Variants in ARL5C observed in about 807,000 individuals in gnomAD.
ARL5C encodes ARF like GTPase 5C.
Under a neutral mutation model 20.8 loss-of-function variants are expected in ARL5C, and 21 were observed. The observed-to-expected ratio is 1.01, with a 90% CI of 0.72 to 1.46. The LOEUF (loss-of-function observed/expected upper bound fraction) is 1.46, where lower values mean the gene tolerates loss of function less well. Ranked by LOEUF, ARL5C falls within the 40% of genes most tolerant of loss-of-function variation. The pLI is 0.00. For synonymous variants in ARL5C, 71 were observed against 81.6 expected (o/e 0.87, Z 0.70); for missense variants, 199 against 225.1 (o/e 0.88, Z 0.74).
chr17:39,159,382 C>T (rs573497666), intron 5 of ARL5C, among the ~76,000 whole-genome samples: 10 of 151,164 alleles, frequency 6.6e-5, no homozygotes, highest in East Asian at 1.9e-4. Context: ...CCGCAACCTC[C>T]GCCTCCTGGG....
chr17:39,165,458 C>T (rs569332602), intron 1 of ARL5C: 1 of 592,654 alleles, frequency 1.7e-6, no homozygotes, highest in East Asian at 2.8e-5. Flanking sequence ...CGCAGCAGCC[C>T]CCCATCCCCG....
chr17:39,163,622 C>A (rs1475107112), intron 2 of ARL5C, among the ~76,000 whole-genome samples: 1 of 150,840 alleles, frequency 6.6e-6, no homozygotes, highest in Non-Finnish European at 1.5e-5. Context: ...GAACTCCTGA[C>A]CTCAAGTGAT....
chr17:39,165,910 G>A lies in ARL5C; in HGVS notation c.-150C>T. 4 of 859,916 alleles carry A rather than the reference G, an allele frequency of 4.7e-6. No individual in the cohort carries two copies. Among genetic ancestry groups the A allele is most frequent in the Non-Finnish European group, 7.3e-6 (4 of 549,644 alleles). The allele number at this position is 859,916 out of a possible 1,614,324, so 53.3% of individuals were successfully genotyped here. On this transcript the variant is annotated 5_prime_UTR_variant, in exon 1 of 6. Transcript: ENST00000269586. ...CCCCACACGTCACCAACCTGACCTG[G>A]GAACCCTCTGGGACGCTGGCCCTTC...
At chr17:39,157,745 A>C (rs1455344024) in intron 5 of ARL5C, among the ~76,000 whole-genome samples, 2 of 148,736 alleles carry the variant, frequency 1.3e-5, no homozygotes, top group Non-Finnish European at 3.0e-5. Flanking sequence ...AGCTGAGATC[A>C]TGCTATTGCA....
chr17:39,166,099 A>G lies in ARL5C; in HGVS notation c.-339T>C, dbSNP rs1318455169. ...TACCGCAAATCAGGGGAGACTCAGCACTGCGCGCGGAACCGGATCCCAGCT... is the reference window on the plus strand; with the variant it reads ...TACCGCAAATCAGGGGAGACTCAGCGCTGCGCGCGGAACCGGATCCCAGCT... On this transcript the variant is annotated 5_prime_UTR_variant, in exon 1 of 6. Transcript: ENST00000269586. 1 of 339,954 alleles carries G rather than the reference A, an allele frequency of 2.9e-6. No homozygotes were observed. The highest frequency in any genetic ancestry group is 5.6e-6 in the Non-Finnish European group (1 of 178,648). 21.1% of individuals were successfully genotyped at this position (339,954 alleles called of 1,614,324 possible).
chr17:39,161,959 T>G (rs1287468472), intron 3 of ARL5C, among the ~76,000 whole-genome samples: 4 of 152,176 alleles, frequency 2.6e-5, no homozygotes, highest in Non-Finnish European at 4.4e-5. Context: ...GTATCCCCAT[T>G]TTACAAATGA....
intron 2 of ARL5C, among the ~76,000 whole-genome samples, chr17:39,163,350 C>CTTTCTTTCTTTCTTTCTTTCTT (rs1176720620): frequency 8.3e-4 from 79 of 94,922 alleles, no homozygotes; most frequent in East Asian, 1.1e-3. Flanking sequence ...TTTTGCCTTT[C>CTTTCTTTCTTTCTTTCTTTCTT]TTTCTTTCTT....
chr17:39,160,605 G>T lies in ARL5C; in HGVS notation c.477C>A (p.Ala159=). 2 of 1,551,836 alleles carry T rather than the reference G, an allele frequency of 1.3e-6. No individual in the cohort carries two copies. Among genetic ancestry groups the T allele is most frequent in the Non-Finnish European group, 1.7e-6 (2 of 1,146,996 alleles). The change falls in exon 5 of 6, where the codon GCC becomes GCA. Residue 159 remains alanine (A), a synonymous_variant. Transcript: ENST00000269586. Reference sequence around the variant, plus strand: ...CAGCCACTAACCCTTCCCTGGTGAGGGCACAGCAGCCTTGTATATGCCACG... The same window carrying T: ...CAGCCACTAACCCTTCCCTGGTGAGTGCACAGCAGCCTTGTATATGCCACG... ...DHSWHIQGCC[A]LTREGLPARL...
chr17:39,160,597 C>G lies in ARL5C; in HGVS notation c.485G>C (p.Arg162Thr). The change falls in exon 5 of 6, where the codon AGG (arginine) becomes ACG (threonine). Residue 162 changes from arginine (R) to threonine (T), a missense_variant. By Grantham distance (71) the Arg-to-Thr change is moderately conservative (BLOSUM62 -1). Coordinates refer to ENST00000269586, the MANE Select transcript of ARL5C (RefSeq NM_001143968.1). ...WHIQGCCALT[R>T]EGLPARLQWM... is the part of the protein sequence containing the mutation. The stretch of plus-strand genomic sequence containing the variant: ...AGGTAGGGCAGCCACTAACCCTTCC[C>G]TGGTGAGGGCACAGCAGCCTTGTAT... The G allele has an allele frequency of 6.4e-7, 1 of 1,551,826 alleles. No homozygotes were observed. The highest frequency in any genetic ancestry group is 8.7e-7 in the Non-Finnish European group (1 of 1,146,970).
chr17:39,160,450 T>C, intron 5 of ARL5C, 141 bp downstream of exon 5: 3 of 973,680 alleles, frequency 3.1e-6, no homozygotes, highest in Non-Finnish European at 1.5e-6. Context: ...ATCTCACCTG[T>C]GGGGAGATGC....
intron 5 of ARL5C, chr17:39,160,302 A>G (rs1222240216): frequency 9.7e-6 from 3 of 309,878 alleles, no homozygotes; most frequent in Non-Finnish European, 1.8e-5. Flanking sequence ...CAGCCTGGGC[A>G]ACAAAGAGCA....
chr17:39,160,330 A>T (rs1222665063), intron 5 of ARL5C: 36 of 378,528 alleles, frequency 9.5e-5, no homozygotes, highest in Non-Finnish European at 5.7e-5. Flanking sequence ...GTCTCAAAAA[A>T]AAAAAAAAAG....
At chr17:39,165,686 CT>C (rs2045459542) in intron 1 of ARL5C, 28 bp downstream of exon 1, 2 of 1,551,662 alleles carry the variant, frequency 1.3e-6, no homozygotes, top group Admixed American at 3.9e-5. Context: ...GATCAAAGCG[CT>C]CGCTTGGATG....
chr17:39,160,779 A>G (rs746009766), intron 4 of ARL5C, 37 bp from the exon 5 acceptor site: 1 of 1,546,326 alleles, frequency 6.5e-7, no homozygotes, highest in African/African-American at 1.4e-5. Context: ...TCAGCCTGCT[A>G]GTGCCCAGCC....
intron 3 of ARL5C, among the ~76,000 whole-genome samples, chr17:39,161,619 T>C (rs1200977873): frequency 6.6e-6 from 1 of 152,070 alleles, no homozygotes; most frequent in Non-Finnish European, 1.5e-5. Flanking sequence ...GTTCAAGCGA[T>C]TCTCCCACCT....
At chr17:39,162,608 T>C (rs2045440380) in intron 3 of ARL5C, 103 bp downstream of exon 3, 1 of 1,377,692 alleles carries the variant, frequency 7.3e-7, no homozygotes, top group Admixed American at 2.3e-5. Context: ...ACCATTATAA[T>C]CTCTATTTCA....
chr17:39,165,281 C>A (rs2045457146), intron 1 of ARL5C, 142 bp from the exon 2 acceptor site: 1 of 777,190 alleles, frequency 1.3e-6, no homozygotes, highest in East Asian at 2.7e-5. Context: ...CTGCTTCCCA[C>A]CCAGCTCCGA....
rs1281544883 is a variant in ARL5C at position 39,160,297 on chromosome 17, T to A, written c.491+294A>T. 4 of 291,308 alleles carry A rather than the reference T, an allele frequency of 1.4e-5. No individual in the cohort carries two copies. The South Asian group carries it at 1.6e-4, about 12-fold the overall frequency. 18.0% of individuals were successfully genotyped at this position (291,308 alleles called of 1,614,324 possible). ...GAGGTCATGCCATTGCACTCCAGCC[T>A]GGGCAACAAAGAGCAAAACTCTGTC... On this transcript the variant is annotated intron_variant, in intron 5 of 5. Coordinates refer to ENST00000269586, the MANE Select transcript of ARL5C (RefSeq NM_001143968.1).
At position 39,165,824 on chromosome 17, in the gene ARL5C, G is replaced by A; in HGVS notation, c.-64C>T. The A allele has an allele frequency of 3.3e-6, 5 of 1,537,034 alleles. No individual in the cohort carries two copies. Among genetic ancestry groups the A allele is most frequent in the Non-Finnish European group, 4.4e-6 (5 of 1,134,980 alleles). ...GGCCTCAGGAGCGGAGTCGGCCCTG[G>A]TATTCGGAGCTCCGCTCCCCCGGGA... is the stretch of plus-strand genomic sequence containing the variant. On this transcript the variant is annotated 5_prime_UTR_variant, in exon 1 of 6. Transcript: ENST00000269586.
Sources: allele counts gnomAD v4.1 joint callset (sites outside exome capture counted in the v4.1 genomes callset), GRCh38; gene constraint gnomAD v4.1.1; transcripts MANE v1.5; gene names NCBI Gene and HGNC (gene_info 2026-07-23, HGNC 2026-07-21).